IL1RAPL1: variants seen among roughly 807,000 people sequenced by gnomAD.
IL1RAPL1 encodes interleukin 1 receptor accessory protein like 1.
Under a neutral mutation model 48.4 loss-of-function variants are expected in IL1RAPL1, and 3 were observed. The observed-to-expected ratio is 0.06, with a 90% CI of 0.03 to 0.16. The LOEUF is 0.16. IL1RAPL1 is among the 10% of genes least tolerant of loss of function. The pLI is 1.00. For missense variants in IL1RAPL1, 349 were observed against 530.6 expected (o/e 0.66, Z 3.36); for synonymous variants, 185 against 187.7 (o/e 0.99, Z 0.12).
At chrX:28,884,891 T>C (rs1922591704) in intron 2 of IL1RAPL1, among the ~76,000 whole-genome samples, 1 of 111,913 alleles carries the variant, frequency 8.9e-6, no homozygotes, top group Admixed American at 9.6e-5. Context: ...TTGCCTAATG[T>C]GATTTATCTG....
At position 28,968,201 on chromosome X, in the gene IL1RAPL1, A is replaced by G. The variant is rs543588954; in HGVS notation, c.82+178776A>G. ...TGATCTCTAAGATTATTTTGGGTAT[A>G]CTTAGATTACTGACAACCCTTAGTC... On this transcript the variant is annotated intron_variant, in intron 2 of 10. Transcript: ENST00000378993. Among the ~76,000 whole-genome samples, 3 of 111,590 alleles carry G rather than the reference A, an allele frequency of 2.7e-5. No homozygotes were observed. In the East Asian group the frequency reaches 8.4e-4, roughly 31 times the overall value.
At chrX:28,712,961 A>G (rs1935458237) in intron 1 of IL1RAPL1, among the ~76,000 whole-genome samples, 1 of 112,153 alleles carries the variant, frequency 8.9e-6, no homozygotes, top group African/African-American at 3.2e-5. Flanking sequence ...ATATTTAGCT[A>G]GGAATGTAGT....
At chrX:29,122,087 T>A (rs1430354474) in intron 2 of IL1RAPL1, among the ~76,000 whole-genome samples, 1 of 111,147 alleles carries the variant, frequency 9.0e-6, no homozygotes, top group African/African-American at 3.3e-5. Context: ...AGCAAGAGTA[T>A]TCATCCAGCA....
At chrX:28,623,859 GA>G (rs1205310786) in intron 1 of IL1RAPL1, among the ~76,000 whole-genome samples, 14 of 105,991 alleles carry the variant, frequency 1.3e-4, no homozygotes, top group South Asian at 8.1e-4. Context: ...AAGCAAAACA[GA>G]AAAAAAAAAC....
chrX:28,637,306 C>T (rs1245300582), intron 1 of IL1RAPL1, among the ~76,000 whole-genome samples: 2 of 111,463 alleles, frequency 1.8e-5, no homozygotes, highest in East Asian at 5.6e-4. Flanking sequence ...CAACTTTAAA[C>T]TTAACAACAA....
At chrX:29,920,786 C>A (rs2147240369) in intron 8 of IL1RAPL1, among the ~76,000 whole-genome samples, 1 of 76,457 alleles carries the variant, frequency 1.3e-5, no homozygotes, top group South Asian at 6.9e-4. Context: ...CAGAGTGAGA[C>A]CCTGTCTCAA....
At chrX:28,943,773 A>G (rs1422106923) in intron 2 of IL1RAPL1, among the ~76,000 whole-genome samples, 1 of 111,057 alleles carries the variant, frequency 9.0e-6, no homozygotes, top group Non-Finnish European at 1.9e-5. Context: ...TCAGTACTTT[A>G]ATTTAAATTC....
At chrX:29,159,008 T>G (rs1051785480) in intron 2 of IL1RAPL1, among the ~76,000 whole-genome samples, 1 of 92,985 alleles carries the variant, frequency 1.1e-5, no homozygotes, top group Non-Finnish European at 2.1e-5. Flanking sequence ...CTTCCTCTTC[T>G]TTTTTTTTGA....
chrX:29,370,225 T>TC (rs201331915), intron 3 of IL1RAPL1, among the ~76,000 whole-genome samples: 1,188 of 111,615 alleles, frequency 0.011, 14 homozygotes, highest in African/African-American at 0.036. Context: ...GCTTTTTTTT[T>TC]CTCAGAACAG....
At chrX:29,370,473 CT>C (rs1286170935) in intron 3 of IL1RAPL1, among the ~76,000 whole-genome samples, 7 of 106,158 alleles carry the variant, frequency 6.6e-5, no homozygotes, top group African/African-American at 1.4e-4. Context: ...TTAGTCTGTT[CT>C]TTTTTTTTTC....
chrX:29,358,978 G>A (rs974329174), intron 3 of IL1RAPL1, among the ~76,000 whole-genome samples: 1 of 108,658 alleles, frequency 9.2e-6, no homozygotes, highest in South Asian at 4.0e-4. Flanking sequence ...CCGAGATCAC[G>A]CATCACTGCA....
chrX:29,704,467 G>C (rs1162557627), intron 6 of IL1RAPL1, among the ~76,000 whole-genome samples: 1 of 110,530 alleles, frequency 9.0e-6, no homozygotes, highest in African/African-American at 3.3e-5. Context: ...TCAGGAGTTT[G>C]AGACCAGCCT....
At chrX:29,163,458 A>G (rs1238855221) in intron 2 of IL1RAPL1, among the ~76,000 whole-genome samples, 2 of 111,929 alleles carry the variant, frequency 1.8e-5, no homozygotes, top group Non-Finnish European at 3.8e-5. Context: ...GATAGGCAGT[A>G]GGCAATTTGG....
intron 5 of IL1RAPL1, among the ~76,000 whole-genome samples, chrX:29,411,844 A>G (rs1210980892): frequency 1.8e-5 from 2 of 111,431 alleles, no homozygotes; most frequent in Non-Finnish European, 3.8e-5. Context: ...ACAAATCATT[A>G]TCATTATTTC....
chrX:28,696,610 G>A (rs1935234830), intron 1 of IL1RAPL1, among the ~76,000 whole-genome samples: 1 of 111,440 alleles, frequency 9.0e-6, no homozygotes, highest in South Asian at 3.7e-4. Context: ...ATTACACATT[G>A]TATACAGGTA....
intron 1 of IL1RAPL1, among the ~76,000 whole-genome samples, chrX:28,703,436 A>G (rs1264331397): frequency 3.6e-5 from 4 of 111,781 alleles, no homozygotes; most frequent in Non-Finnish European, 7.5e-5. Context: ...CAGTTCTTGT[A>G]GTATCATTCT....
chrX:29,914,532 A>T (rs1294098078), intron 6 of IL1RAPL1, among the ~76,000 whole-genome samples: 1 of 111,695 alleles, frequency 9.0e-6, no homozygotes, highest in Non-Finnish European at 1.9e-5. Context: ...ACTTGGTCTT[A>T]TAAAAGACAG....
chrX:28,772,731 T>C (rs1225406457), intron 1 of IL1RAPL1, among the ~76,000 whole-genome samples: 1 of 112,175 alleles, frequency 8.9e-6, no homozygotes, highest in Admixed American at 9.4e-5. Flanking sequence ...CATGACGTTA[T>C]ATTGGCAGGT....
intron 5 of IL1RAPL1, among the ~76,000 whole-genome samples, chrX:29,558,915 A>G (rs1055115092): frequency 2.7e-5 from 3 of 111,412 alleles, no homozygotes; most frequent in African/African-American, 9.8e-5. Flanking sequence ...TCAGTATCAT[A>G]CTGTTTTGTT....
Sources: allele counts gnomAD v4.1 joint callset (sites outside exome capture counted in the v4.1 genomes callset), GRCh38; gene constraint gnomAD v4.1.1; transcripts MANE v1.5; gene names NCBI Gene and HGNC (gene_info 2026-07-23, HGNC 2026-07-21).